Variants in ZNF385C observed in about 807,000 individuals in gnomAD.
ZNF385C encodes the protein CTD-2132N18.2.
A neutral mutation model predicts 35.4 loss-of-function variants in ZNF385C; 28 were observed. The ratio of observed to expected loss-of-function variants is 0.79; its 90% CI spans 0.59 to 1.08. ZNF385C has a LOEUF of 1.08. Ranked by LOEUF, ZNF385C falls within the 50% of genes least tolerant of loss-of-function variation. The pLI is 0.00. For synonymous variants in ZNF385C, 248 were observed against 248.2 expected (o/e 1.00, Z 0.01); for missense variants, 605 against 595.6 (o/e 1.02, Z -0.16).
At chr17:42,040,551 C>G in intron 2 of ZNF385C, 1 of 1,233,120 alleles carries the variant, frequency 8.1e-7, no homozygotes, top group Non-Finnish European at 1.0e-6. Flanking sequence ...CGAAGGTGAA[C>G]TGGCGCAGGG....
rs2052732381 is a variant in ZNF385C at position 42,031,668 on chromosome 17, G to A, written c.627C>T (p.Ser209=). The change falls in exon 5 of 9, where the codon TCC becomes TCT. Residue 209 remains serine (S), a synonymous_variant. Coordinates refer to ENST00000692273, the MANE Select transcript of ZNF385C (RefSeq NM_001392013.1). The part of the protein sequence containing the change: ...HTQAQDGAVV[S]PIPTLASGAP... ...CTCCACTGGCCAGCGTTGGGATTGGGGACACTACAGCCCCATCCTGGGCCT... is the reference window on the plus strand; with the variant it reads ...CTCCACTGGCCAGCGTTGGGATTGGAGACACTACAGCCCCATCCTGGGCCT... The A allele has an allele frequency of 2.6e-6, 4 of 1,550,652 alleles. No individual in the cohort carries two copies. The Middle Eastern group carries it at 5.0e-4, about 194-fold the overall frequency.
chr17:42,029,099 G>A, intron 5 of ZNF385C, 26 bp from the exon 6 acceptor site: 2 of 1,537,070 alleles, frequency 1.3e-6, no homozygotes, highest in Non-Finnish European at 1.8e-6. Flanking sequence ...AAGAGTGTGA[G>A]ACCCAAGATG....
intron 1 of ZNF385C, among the ~76,000 whole-genome samples, chr17:42,080,356 T>C (rs1006663299): frequency 1.3e-5 from 2 of 152,140 alleles, no homozygotes; most frequent in African/African-American, 4.8e-5. Flanking sequence ...CTGTGGAAAT[T>C]AAGATCTGTA....
intron 2 of ZNF385C, among the ~76,000 whole-genome samples, chr17:42,041,944 A>G (rs2053032651): frequency 6.6e-6 from 1 of 152,206 alleles, no homozygotes; most frequent in Non-Finnish European, 1.5e-5. Flanking sequence ...GAGCATGGGG[A>G]CCTTGCTTTT....
intron 1 of ZNF385C, among the ~76,000 whole-genome samples, chr17:42,064,335 A>T (rs1333836556): frequency 1.3e-5 from 2 of 152,192 alleles, no homozygotes; most frequent in Non-Finnish European, 2.9e-5. Context: ...CCTGAGAGCA[A>T]GATCTGTGTC....
intron 3 of ZNF385C, among the ~76,000 whole-genome samples, chr17:42,036,510 T>C (rs894912704): frequency 6.6e-6 from 1 of 151,780 alleles, no homozygotes; most frequent in Non-Finnish European, 1.5e-5. Flanking sequence ...CTGGGTAATA[T>C]AGTGAGACCT....
chr17:42,058,999 A>C (rs1290825625), intron 2 of ZNF385C, among the ~76,000 whole-genome samples: 19 of 152,254 alleles, frequency 1.2e-4, no homozygotes, highest in African/African-American at 4.6e-4. Context: ...CTCCACCCCC[A>C]GCTCTCAGAT....
chr17:42,034,327 C>T lies in ZNF385C; in HGVS notation c.408G>A (p.Pro136=), dbSNP rs919685162. The T allele has an allele frequency of 2.2e-5, 34 of 1,550,202 alleles. No homozygotes were observed. The African/African-American group carries it at 3.4e-4, about 16-fold the overall frequency. The stretch of plus-strand genomic sequence containing the variant: ...TGTGGCTGATGACAGCTTTCTGGAC[C>T]GGGTCCATCTGTGAAGGGAGTGGGA... ...SLFPNFSTMD[P]VQKAVISHTF... Residue 136 remains proline (P), a synonymous_variant, in exon 4 of 9, where the codon CCG becomes CCA. Coordinates refer to ENST00000692273, the MANE Select transcript of ZNF385C (RefSeq NM_001392013.1).
Position 42,064,561 on chromosome 17 carries a change from G to A in ZNF385C, c.-2-1503C>T, listed in dbSNP as rs536964114. On this transcript the variant is annotated intron_variant, in intron 1 of 8. Coordinates refer to ENST00000692273, the MANE Select transcript of ZNF385C (RefSeq NM_001392013.1). The stretch of plus-strand genomic sequence containing the variant: ...CGGTGGGCCCTAATTCATATGATGG[G>A]TGTCTTTATTTTTTTCAAGATGGAG... Among the ~76,000 whole-genome samples the A allele has an allele frequency of 8.5e-5, 13 of 152,200 alleles. No individual in the cohort carries two copies. In the East Asian group the frequency reaches 2.3e-3, roughly 27 times the overall value.
intron 2 of ZNF385C, chr17:42,040,950 T>C: frequency 5.7e-6 from 7 of 1,232,226 alleles, no homozygotes; most frequent in African/African-American, 1.5e-5. Context: ...TGGGTGCAGA[T>C]ACGCCGAAAG....
intron 5 of ZNF385C, 58 bp downstream of exon 5, chr17:42,031,561 C>T: frequency 1.3e-6 from 2 of 1,513,344 alleles, no homozygotes; most frequent in Non-Finnish European, 8.9e-7. Context: ...CTCTCAACCC[C>T]TTGTCGGAAA....
intron 1 of ZNF385C, among the ~76,000 whole-genome samples, chr17:42,093,396 G>T (rs2053883054): frequency 6.6e-6 from 1 of 152,080 alleles, no homozygotes; most frequent in South Asian, 2.1e-4. Context: ...CAGACAAGGG[G>T]CTCTATCCCT....
chr17:42,052,957 T>C (rs566935584), intron 2 of ZNF385C, among the ~76,000 whole-genome samples: 1 of 152,156 alleles, frequency 6.6e-6, no homozygotes, highest in African/African-American at 2.4e-5. Context: ...ATTTCTATCA[T>C]GGATAAAAAC....
intron 1 of ZNF385C, among the ~76,000 whole-genome samples, chr17:42,090,277 C>CA (rs2053851388): frequency 1.0e-5 from 1 of 98,892 alleles, no homozygotes; most frequent in Non-Finnish European, 1.8e-5. Flanking sequence ...CTCTTATTCC[C>CA]TTTTTTTTTT....
chr17:42,071,864 A>C (rs1437550688), intron 1 of ZNF385C, among the ~76,000 whole-genome samples: 3 of 152,146 alleles, frequency 2.0e-5, no homozygotes, highest in Non-Finnish European at 2.9e-5. Flanking sequence ...ACTAGTCACC[A>C]CGTCCAAGTC....
At chr17:42,091,989 T>C (rs11870415) in intron 1 of ZNF385C, among the ~76,000 whole-genome samples, 38,166 of 152,032 alleles carry the variant, frequency 0.25, 6,633 homozygotes, top group African/African-American at 0.5. Flanking sequence ...CAGCATGGTC[T>C]GGCAAGGAGC....
intron 1 of ZNF385C, among the ~76,000 whole-genome samples, chr17:42,068,422 C>T (rs1283932644): frequency 6.6e-6 from 1 of 151,376 alleles, no homozygotes; most frequent in Non-Finnish European, 1.5e-5. Flanking sequence ...TTTCTCTTCG[C>T]CCCCCAGCTG....
chr17:42,094,052 T>C (rs962706365), intron 1 of ZNF385C, among the ~76,000 whole-genome samples: 1 of 152,002 alleles, frequency 6.6e-6, no homozygotes, highest in South Asian at 2.1e-4. Flanking sequence ...GGCGCAATCT[T>C]GGCTTTCTGC....
At chr17:42,086,897 T>C (rs1434300895) in intron 1 of ZNF385C, among the ~76,000 whole-genome samples, 2 of 150,428 alleles carry the variant, frequency 1.3e-5, no homozygotes, top group African/African-American at 4.9e-5. Flanking sequence ...GGCGTGATCT[T>C]GGCTCACTGC....
Sources: allele counts gnomAD v4.1 joint callset (sites outside exome capture counted in the v4.1 genomes callset), GRCh38; gene constraint gnomAD v4.1.1; transcripts MANE v1.5; gene names NCBI Gene and HGNC (gene_info 2026-07-23, HGNC 2026-07-21).